NME5: variants seen among roughly 807,000 people sequenced by gnomAD.
NME5 encodes the protein nucleoside diphosphate kinase 5.
Under a neutral mutation model 21.6 loss-of-function variants are expected in NME5, and 18 were observed. That is an observed-to-expected ratio of 0.83 (90% confidence interval 0.58 to 1.24). The LOEUF is 1.24. Ranked by LOEUF, NME5 falls within the 50% of genes most tolerant of loss-of-function variation. NME5 has a pLI of 0.00. For synonymous variants in NME5, 70 were observed against 80.6 expected (o/e 0.87, Z 0.71); for missense variants, 223 against 255.4 (o/e 0.87, Z 0.86).
Position 138,129,396 on chromosome 5 carries a change from G to T in NME5, c.202C>A (p.Pro68Thr), listed in dbSNP as rs1408750336. ...YVEKYGKMFF[P>T]NLTAYMSSGP... ...GAACTCATGTAAGCTGTTAAGTTGG[G>T]GAAAAACATTTTTCCATACTTTTCC... Residue 68 changes from proline (P) to threonine (T), a missense_variant, in exon 3 of 6, where the codon CCC becomes ACC. Transcript: ENST00000265191. 2.5e-6 allele frequency: 4 copies of T among 1,613,830 alleles called. No individual in the cohort carries two copies. The highest frequency in any genetic ancestry group is 1.3e-5 in the African/African-American group (1 of 74,838).
intron 2 of NME5, among the ~76,000 whole-genome samples, chr5:138,131,203 CTAAA>C (rs1316145764): frequency 1.1e-5 from 1 of 88,306 alleles, no homozygotes; most frequent in African/African-American, 4.8e-5. Context: ...CCCGTCTCTG[CTAAA>C]AAAAAAAAAA....
intron 2 of NME5, among the ~76,000 whole-genome samples, chr5:138,137,748 C>T (rs1422871863): frequency 1.3e-5 from 2 of 151,698 alleles, no homozygotes; most frequent in South Asian, 2.1e-4. Flanking sequence ...CACCTGTAAT[C>T]CCAGCACTTT....
intron 2 of NME5, among the ~76,000 whole-genome samples, chr5:138,132,414 G>A (rs565218084): frequency 6.6e-6 from 1 of 152,026 alleles, no homozygotes; most frequent in East Asian, 1.9e-4. Context: ...GGTGAGGAGA[G>A]AAAATGCTCA....
Position 138,122,844 on chromosome 5 carries a change from A to AT in NME5, c.437-3909dup, listed in dbSNP as rs906533514. Among the ~76,000 whole-genome samples the AT allele has an allele frequency of 9.3e-5, 14 of 150,800 alleles. No homozygotes were observed. In the East Asian group the frequency reaches 2.0e-3, roughly 21 times the overall value. On this transcript the variant is annotated intron_variant, in intron 4 of 5. Coordinates refer to ENST00000265191, the MANE Select transcript of NME5 (RefSeq NM_003551.3). ...AGATGCATGCCACTATGCCAGGCTAATTTTTTTTTATTTTTAGCAGAGATG... is the reference window on the plus strand; with the variant it reads ...AGATGCATGCCACTATGCCAGGCTAATTTTTTTTTTATTTTTAGCAGAGATG...
chr5:138,129,240 A>G (rs1306407564), intron 3 of NME5, 23 bp downstream of exon 3: 13 of 1,520,286 alleles, frequency 8.6e-6, no homozygotes, highest in Non-Finnish European at 1.1e-5. Context: ...ATTCCCTGCC[A>G]TCCCCCAAAC....
intron 4 of NME5, among the ~76,000 whole-genome samples, chr5:138,122,099 T>C (rs948937855): frequency 2.0e-5 from 3 of 152,128 alleles, no homozygotes; most frequent in Non-Finnish European, 2.9e-5. Flanking sequence ...ATCTCAGCAA[T>C]GTTCTTTGTT....
Position 138,138,737 on chromosome 5 carries a change from G to A in NME5, c.44C>T (p.Thr15Ile). ...MPPPQIYVEK[T>I]LAIIKPDIVD... ...AATATCTGGTTTGATAATGGCCAGAGTTTTTTCTACATATATCTGAGGTGG... is the reference window on the plus strand; with the variant it reads ...AATATCTGGTTTGATAATGGCCAGAATTTTTTCTACATATATCTGAGGTGG... Residue 15 changes from threonine to isoleucine, a missense_variant, in exon 2 of 6, where the codon ACT becomes ATT. Coordinates refer to ENST00000265191, the MANE Select transcript of NME5 (RefSeq NM_003551.3). 6.2e-7 allele frequency: 1 copy of A among 1,612,644 alleles called. No homozygotes were observed. Among genetic ancestry groups the A allele is most frequent in the Admixed American group, 1.7e-5 (1 of 59,622 alleles).
rs756534793 is a variant in NME5 at position 138,115,771 on chromosome 5, GAA to G, written c.556-9_556-8del. 49 of 1,241,626 alleles carry G rather than the reference GAA, an allele frequency of 3.9e-5. No homozygotes were observed. Among genetic ancestry groups the G allele is most frequent in the South Asian group, 6.4e-5 (4 of 62,320 alleles). The allele number at this position is 1,241,626 out of a possible 1,614,324, so 76.9% of individuals were successfully genotyped here. A position where few individuals can be genotyped will look rare whatever the true frequency, so the allele number is the denominator to read the frequency against. Reference sequence around the variant, plus strand: ...GCCAATCAGCTAGCCAAATCTATGGGAAAAAAAAAAACAACCTAAGTTAAGAA... The same window carrying G: ...GCCAATCAGCTAGCCAAATCTATGGGAAAAAAAAACAACCTAAGTTAAGAA... On this transcript the variant is annotated splice_region_variant and splice_polypyrimidine_tract_variant and intron_variant, in intron 5 of 5. Transcript: ENST00000265191.
At chr5:138,132,034 C>T (rs1442639077) in intron 2 of NME5, among the ~76,000 whole-genome samples, 8 of 152,122 alleles carry the variant, frequency 5.3e-5, no homozygotes, top group African/African-American at 9.7e-5. Context: ...TGTGAGCCAC[C>T]GCGCCCGGCC....
At chr5:138,138,573 G>T in intron 2 of NME5, 79 bp downstream of exon 2, 1 of 1,244,216 alleles carries the variant, frequency 8.0e-7, no homozygotes, top group Non-Finnish European at 1.1e-6. Context: ...GGGTTTAAAT[G>T]GGTAGGCACA....
intron 2 of NME5, among the ~76,000 whole-genome samples, chr5:138,133,098 C>CTT (rs534986271): frequency 5.6e-5 from 8 of 142,950 alleles, no homozygotes; most frequent in Non-Finnish European, 7.7e-5. Context: ...AAGGGTTCAT[C>CTT]TTTTTTTTTT....
At chr5:138,129,673 T>A (rs1751514542) in intron 2 of NME5, among the ~76,000 whole-genome samples, 1 of 152,166 alleles carries the variant, frequency 6.6e-6, no homozygotes, top group African/African-American at 2.4e-5. Flanking sequence ...TAAGAAAAAT[T>A]ATGGCCGGGT....
intron 2 of NME5, among the ~76,000 whole-genome samples, chr5:138,137,802 C>G (rs1210675047): frequency 1.3e-5 from 2 of 151,214 alleles, no homozygotes; most frequent in Non-Finnish European, 3.0e-5. Flanking sequence ...AGTTCAAGAC[C>G]ACCCTGGCCA....
intron 5 of NME5, among the ~76,000 whole-genome samples, chr5:138,118,109 T>C (rs1272335566): frequency 6.6e-6 from 1 of 152,136 alleles, no homozygotes; most frequent in Non-Finnish European, 1.5e-5. Context: ...TTCTCAATAT[T>C]TGCAGTATTT....
chr5:138,119,537 G>A (rs1751237009), intron 4 of NME5, among the ~76,000 whole-genome samples: 1 of 152,152 alleles, frequency 6.6e-6, no homozygotes, highest in Non-Finnish European at 1.5e-5. Context: ...GTTTCACCAT[G>A]TTGGCCAGGC....
In NME5 at chr5:138,137,314, C is replaced by CTTTATTTA. The variant is rs77202467; in HGVS notation, c.129+1330_129+1337dup. Among the ~76,000 whole-genome samples the CTTTATTTA allele has an allele frequency of 1.1e-3, 166 of 150,992 alleles. 1 individual carries two copies. The highest frequency in any genetic ancestry group is 3.5e-3 in the African/African-American group (145 of 41,160). ...TCTTTTCTGAAGATTGATATTTTCT[C>CTTTATTTA]TTTATTTATTTATTTATTTTTTGAG... On this transcript the variant is annotated intron_variant, in intron 2 of 5. Transcript: ENST00000265191.
At chr5:138,135,254 C>T (rs530340640) in intron 2 of NME5, among the ~76,000 whole-genome samples, 5 of 143,274 alleles carry the variant, frequency 3.5e-5, no homozygotes, top group Non-Finnish European at 6.1e-5. Flanking sequence ...GGTGGCGGAG[C>T]TTGCCGTGAG....
chr5:138,126,663 A>G (rs996075178), intron 4 of NME5, among the ~76,000 whole-genome samples: 14 of 151,870 alleles, frequency 9.2e-5, no homozygotes, highest in African/African-American at 3.1e-4. Flanking sequence ...AAAGCTAAAG[A>G]GAAGTCAGGC....
chr5:138,125,128 C>T (rs930482891), intron 4 of NME5, among the ~76,000 whole-genome samples: 1 of 152,018 alleles, frequency 6.6e-6, no homozygotes, highest in African/African-American at 2.4e-5. Context: ...TGCTATGTTG[C>T]CCAGGCTGGT....
Sources: gnomAD v4.1 joint callset for allele counts (sites outside exome capture counted in the v4.1 genomes callset) on GRCh38, gnomAD v4.1.1 for gene constraint, MANE v1.5 for transcripts, NCBI Gene and HGNC (gene_info 2026-07-23, HGNC 2026-07-21) for gene names.